The following LMLN variants were observed in gnomAD, a reference collection of about 807,000 sequenced individuals.
LMLN encodes leishmanolysin-like peptidase.
A neutral mutation model predicts 92.3 loss-of-function variants in LMLN; 70 were observed. That is an observed-to-expected ratio of 0.76 (90% confidence interval 0.63 to 0.92). The LOEUF (loss-of-function observed/expected upper bound fraction) is 0.92. Among genes scored for constraint, LMLN ranks in the 40% least tolerant of loss-of-function variants. The pLI, the probability that LMLN is intolerant of heterozygous loss-of-function variation, is 0.00. For synonymous variants in LMLN, 308 were observed against 296.2 expected (o/e 1.04, Z -0.41); for missense variants, 691 against 814.6 (o/e 0.85, Z 1.85).
At chr3:197,968,857 C>T (rs1008086255) in intron 1 of LMLN, among the ~76,000 whole-genome samples, 4 of 152,208 alleles carry the variant, frequency 2.6e-5, no homozygotes, top group Admixed American at 2.0e-4. Context: ...TTTTGAAAGT[C>T]ATAAACTATG....
intron 14 of LMLN, among the ~76,000 whole-genome samples, chr3:198,032,864 G>T (rs1479318569): frequency 3.9e-5 from 6 of 152,222 alleles, no homozygotes; most frequent in Admixed American, 1.3e-4. Flanking sequence ...GGTCCAGCTG[G>T]TCGCAGTGAG....
chr3:197,983,886 A>G (rs1721626439), intron 6 of LMLN, 57 bp from the exon 7 acceptor site: 2 of 1,160,316 alleles, frequency 1.7e-6, no homozygotes, highest in Non-Finnish European at 2.6e-6. Flanking sequence ...GGAGAAGTAA[A>G]TGTTAATAAA....
chr3:198,017,359 T>C (rs1038572671), intron 11 of LMLN, among the ~76,000 whole-genome samples: 3 of 152,182 alleles, frequency 2.0e-5, no homozygotes, highest in African/African-American at 7.2e-5. Context: ...TTGTGACTCT[T>C]CTCCATTGTT....
At chr3:197,976,440 C>T (rs756074123) in intron 4 of LMLN, 158 bp from the exon 5 acceptor site, 18 of 536,676 alleles carry the variant, frequency 3.4e-5, no homozygotes, top group Non-Finnish European at 5.8e-5. Context: ...AAGAGGATTT[C>T]CTATAGAACC....
At chr3:198,021,919 C>A (rs1370284299) in intron 13 of LMLN, among the ~76,000 whole-genome samples, 1 of 152,204 alleles carries the variant, frequency 6.6e-6, no homozygotes, top group Non-Finnish European at 1.5e-5. Flanking sequence ...TACCTTCTAG[C>A]TGCACGGCAC....
chr3:198,026,951 T>G (rs1227853117), intron 14 of LMLN, among the ~76,000 whole-genome samples: 1 of 152,128 alleles, frequency 6.6e-6, no homozygotes, highest in African/African-American at 2.4e-5. Context: ...AGGTAGGAAA[T>G]GTATGTATAT....
intron 14 of LMLN, among the ~76,000 whole-genome samples, chr3:198,033,366 T>G (rs1723126501): frequency 6.6e-6 from 1 of 152,002 alleles, no homozygotes; most frequent in African/African-American, 2.4e-5. Flanking sequence ...TTTTTGCTTT[T>G]TCTTCTAATT....
intron 1 of LMLN, among the ~76,000 whole-genome samples, chr3:197,966,816 G>A (rs1231647259): frequency 3.3e-5 from 5 of 152,108 alleles, no homozygotes; most frequent in Non-Finnish European, 7.4e-5. Flanking sequence ...TTTAGAGACA[G>A]GGTGTTACTC....
intron 5 of LMLN, among the ~76,000 whole-genome samples, chr3:197,979,740 C>A (rs575359504): frequency 1.3e-5 from 2 of 152,062 alleles, no homozygotes; most frequent in African/African-American, 4.8e-5. Context: ...GCCGAGATCA[C>A]GCCACTGCAT....
At chr3:197,962,996 C>G (rs926422050) in intron 1 of LMLN, among the ~76,000 whole-genome samples, 1 of 151,958 alleles carries the variant, frequency 6.6e-6, no homozygotes, top group African/African-American at 2.4e-5. Flanking sequence ...GTCAGCTTCT[C>G]AGTTTCTTCA....
rs561375243 is a variant in LMLN, at chr3:198,031,151, A to G, written c.1657-4682A>G. On this transcript the variant is annotated intron_variant, in intron 14 of 15. Transcript: ENST00000330198. This position sits in a 1 kb window ranked among gnomAD's most constrained non-coding sequence, Gnocchi z 4.8. ...ACATGACACAGGAGCCCACATGAGTAAATGAAAACTCAAAGAAGTGTGAAA... is the reference window on the plus strand; with the variant it reads ...ACATGACACAGGAGCCCACATGAGTGAATGAAAACTCAAAGAAGTGTGAAA... 4.1e-4 allele frequency among the ~76,000 whole-genome samples: 63 copies of G among 152,402 alleles called. 1 individual carries two copies. In the South Asian group the frequency reaches 0.013, roughly 31 times the overall value.
chr3:197,977,271 A>G (rs1175559830), intron 5 of LMLN, among the ~76,000 whole-genome samples: 1 of 152,176 alleles, frequency 6.6e-6, no homozygotes, highest in Non-Finnish European at 1.5e-5. Flanking sequence ...AACCTCTTAC[A>G]TGAAAAAAAT....
At chr3:198,000,608 A>T (rs147649437) in intron 11 of LMLN, among the ~76,000 whole-genome samples, 1 of 151,866 alleles carries the variant, frequency 6.6e-6, no homozygotes. Flanking sequence ...TTGTATTTTT[A>T]GTGTAGATGG....
chr3:198,029,189 A>G (rs868051322), intron 14 of LMLN, among the ~76,000 whole-genome samples: 3 of 152,150 alleles, frequency 2.0e-5, no homozygotes, highest in Non-Finnish European at 4.4e-5. Context: ...TTACTCTCCT[A>G]TTGAAATCTC....
intron 8 of LMLN, among the ~76,000 whole-genome samples, chr3:197,990,310 A>G (rs1721829685): frequency 2.6e-5 from 4 of 151,928 alleles, no homozygotes; most frequent in African/African-American, 9.7e-5. Flanking sequence ...CAGTCTTCCC[A>G]CCTCGGCCTG....
chr3:197,997,054 T>C (rs779989721), intron 10 of LMLN, among the ~76,000 whole-genome samples: 6 of 151,332 alleles, frequency 4.0e-5, no homozygotes, highest in Non-Finnish European at 7.4e-5. Flanking sequence ...CTTTCTTTCC[T>C]TCTTTCTTTC....
chr3:198,006,454 C>T lies in LMLN; in HGVS notation c.1232+7112C>T, dbSNP rs890266837. On this transcript the variant is annotated intron_variant, in intron 11 of 15. Transcript: ENST00000330198. The stretch of plus-strand genomic sequence containing the variant: ...AGTGCCAGGAATGCAGTTACTGGCT[C>T]ATTAAGTAATTACAGGTTTAGTTTT... Among the ~76,000 whole-genome samples the T allele has an allele frequency of 2.6e-5, 4 of 152,106 alleles. No individual in the cohort carries two copies. In the South Asian group the frequency reaches 8.3e-4, roughly 31 times the overall value.
chr3:197,971,159 G>C (rs1721213055), intron 1 of LMLN, among the ~76,000 whole-genome samples: 1 of 152,074 alleles, frequency 6.6e-6, no homozygotes, highest in Non-Finnish European at 1.5e-5. Flanking sequence ...GTATAATGTT[G>C]TATTAGTTCT....
At chr3:197,966,302 A>C (rs539849091) in intron 1 of LMLN, among the ~76,000 whole-genome samples, 1 of 152,284 alleles carries the variant, frequency 6.6e-6, no homozygotes, top group South Asian at 2.1e-4. Flanking sequence ...TCAGCCTCCC[A>C]AAGTGTTGGG....
Sources: gnomAD v4.1 joint callset for allele counts (sites outside exome capture counted in the v4.1 genomes callset) on GRCh38, gnomAD v4.1.1 for gene constraint, Gnocchi (gnomAD v3.1) non-coding constraint, MANE v1.5 for transcripts, NCBI Gene and HGNC (gene_info 2026-07-23, HGNC 2026-07-21) for gene names.